RPTOR: variants seen among roughly 807,000 people sequenced by gnomAD.
RPTOR encodes regulatory associated protein of MTOR complex 1, also known as regulatory-associated protein of mTOR.
A neutral mutation model predicts 169.9 loss-of-function variants in RPTOR; 21 were observed. That is an observed-to-expected ratio of 0.12 (90% CI 0.09 to 0.18). RPTOR has a LOEUF of 0.18. Ranked by LOEUF, RPTOR falls within the 10% of genes least tolerant of loss-of-function variation. RPTOR has a pLI of 1.00. For missense variants in RPTOR, 1,133 were observed against 1,855.9 expected, an observed-to-expected ratio of 0.61 and a Z score of 7.16; for synonymous variants, 732 against 753.2, an observed-to-expected ratio of 0.97 and a Z score of 0.46.
intron 2 of RPTOR, among the ~76,000 whole-genome samples, chr17:80,641,740 G>C (rs1398573533): frequency 6.6e-6 from 1 of 152,198 alleles, no homozygotes; most frequent in African/African-American, 2.4e-5. Context: ...GCCTTAGCGA[G>C]TTGTAATCTT....
chr17:80,610,154 G>C (rs12945061), intron 1 of RPTOR, among the ~76,000 whole-genome samples: 31,207 of 151,742 alleles, frequency 0.21, 3,312 homozygotes, highest in East Asian at 0.27. Context: ...TTTATCTCCA[G>C]CTCTTCTCCT....
intron 28 of RPTOR, 87 bp downstream of exon 28, chr17:80,949,634 C>T: frequency 1.8e-6 from 2 of 1,085,170 alleles, no homozygotes; most frequent in Non-Finnish European, 2.8e-6. Context: ...CTGGGGCTGT[C>T]TCTAAACAGG....
chr17:80,915,500 C>T (rs2068662846), intron 21 of RPTOR, among the ~76,000 whole-genome samples: 1 of 133,084 alleles, frequency 7.5e-6, no homozygotes, highest in Non-Finnish European at 1.6e-5. Context: ...TCCAGGGTCT[C>T]CTCTCTGCTG....
Position 80,730,754 on chromosome 17 carries a change from T to TTTTTTTTTTG in RPTOR, c.654+48_654+49insTTTTTTTTTG. ...AGCGGTGCTGGGTTTGGTTTTGTTT[T>TTTTTTTTTTG]CCCTGGGGGTGGGGTTTGGGTGGGG... is the stretch of plus-strand genomic sequence containing the variant. On this transcript the variant is annotated intron_variant, in intron 5 of 33. Transcript: ENST00000306801. This position sits in a 1 kb window ranked among gnomAD's most constrained non-coding sequence, Gnocchi z 4.2. 5.5e-6 allele frequency: 4 copies of TTTTTTTTTTG among 721,618 alleles called. No homozygotes were observed. Among genetic ancestry groups the TTTTTTTTTTG allele is most frequent in the Non-Finnish European group, 8.7e-6 (4 of 457,676 alleles). The allele number at this position is 721,618 out of a possible 1,614,324, so 44.7% of individuals were successfully genotyped here. A position where few individuals can be genotyped will look rare whatever the true frequency, so the allele number is the denominator to read the frequency against.
intron 13 of RPTOR, among the ~76,000 whole-genome samples, chr17:80,864,015 G>A (rs767157064): frequency 2.0e-5 from 3 of 152,182 alleles, no homozygotes; most frequent in Non-Finnish European, 4.4e-5. Flanking sequence ...TTCCATTGCG[G>A]GACAACGGCA....
At chr17:80,615,357 A>G (rs2065301644) in intron 1 of RPTOR, among the ~76,000 whole-genome samples, 2 of 152,218 alleles carry the variant, frequency 1.3e-5, no homozygotes, top group Non-Finnish European at 1.5e-5. Context: ...TTGTAGGTGC[A>G]TCTGATCATA....
intron 20 of RPTOR, among the ~76,000 whole-genome samples, chr17:80,899,197 A>G (rs2068444932): frequency 6.6e-6 from 1 of 152,228 alleles, no homozygotes; most frequent in Non-Finnish European, 1.5e-5. Context: ...TTGACTCCGT[A>G]TATTCGAGTA....
intron 33 of RPTOR, among the ~76,000 whole-genome samples, chr17:80,963,800 C>CCCTCACCCCGTCCGCTGTGCGGCCGAGT (rs1598429680): frequency 5.0e-5 from 6 of 120,778 alleles, no homozygotes; most frequent in Admixed American, 7.5e-5. Flanking sequence ...CCCTCTGCGG[C>CCCTCACCCCGTCCGCTGTGCGGCCGAGT]CCTCACCCCG....
rs201551267 is a variant in RPTOR, at chr17:80,925,418, G to A, written c.2857G>A (p.Ala953Thr). The change falls in exon 24 of 34, where the codon GCC (alanine) becomes ACC (threonine). Residue 953 changes from alanine to threonine, a missense_variant. Around this residue, in one of 9 missense-constraint regions of RPTOR, gnomAD observed 410 missense variants for 623.7 expected, o/e 0.66. Coordinates refer to ENST00000306801, the MANE Select transcript of RPTOR (RefSeq NM_020761.3). The part of the protein sequence containing the change: ...DAAGHKSFIS[A>T]TVQTGFCDWS... ...TGCTGGACACAAAAGTTTCATCTCC[G>A]CCACGGTGCAGACGGGGTTCTGCGA... 173 of 1,613,542 alleles carry A rather than the reference G, an allele frequency of 1.1e-4. No homozygotes were observed. The highest frequency in any genetic ancestry group is 1.6e-4 in the Middle Eastern group (1 of 6,084).
chr17:80,771,911 C>T (rs923344677), intron 6 of RPTOR, among the ~76,000 whole-genome samples: 9 of 152,294 alleles, frequency 5.9e-5, no homozygotes, highest in Non-Finnish European at 1.0e-4. Flanking sequence ...CCTCGACCTC[C>T]TAGGCTCAAG....
chr17:80,740,961 G>A (rs1354259929), intron 5 of RPTOR, among the ~76,000 whole-genome samples: 2 of 152,328 alleles, frequency 1.3e-5, no homozygotes, highest in East Asian at 3.9e-4. Context: ...TCAGGGAAAC[G>A]CAAATCAAAA....
chr17:80,626,722 T>G (rs1449784935), intron 2 of RPTOR, among the ~76,000 whole-genome samples: 4 of 150,886 alleles, frequency 2.7e-5, no homozygotes, highest in African/African-American at 9.7e-5. Flanking sequence ...GAGACTGTTT[T>G]TTTTTTTTTT....
At chr17:80,679,013 G>T (rs1390882176) in intron 3 of RPTOR, among the ~76,000 whole-genome samples, 3 of 152,204 alleles carry the variant, frequency 2.0e-5, no homozygotes, top group Admixed American at 2.0e-4. Flanking sequence ...CACAAGAAGT[G>T]GCCTCTGCTT....
intron 5 of RPTOR, among the ~76,000 whole-genome samples, chr17:80,747,162 G>C (rs890787134): frequency 2.6e-4 from 40 of 152,238 alleles, no homozygotes; most frequent in African/African-American, 9.4e-4. Flanking sequence ...GTTGCAGTGA[G>C]CCAAGATTGC....
chr17:80,652,002 C>T (rs1364926587), intron 3 of RPTOR, among the ~76,000 whole-genome samples: 1 of 126,724 alleles, frequency 7.9e-6, no homozygotes, highest in Admixed American at 7.3e-5. Context: ...GCGTGAGACT[C>T]CGTCTCAAAA....
Position 80,708,120 on chromosome 17 carries a change from C to A in RPTOR, c.507+121C>A. On this transcript the variant is annotated intron_variant, in intron 4 of 33. Coordinates refer to ENST00000306801, the MANE Select transcript of RPTOR (RefSeq NM_020761.3). This position sits in a 1 kb window ranked among gnomAD's most constrained non-coding sequence, Gnocchi z 4.2. ...GCCATTGATGTTTACTGTGTTTCAA[C>A]AAACCCAAATGCCATAACTGAACGG... is the stretch of plus-strand genomic sequence containing the variant. 9.9e-7 allele frequency: 1 copy of A among 1,008,542 alleles called. No homozygotes were observed. Among genetic ancestry groups the A allele is most frequent in the Non-Finnish European group, 1.4e-6 (1 of 700,696 alleles). 62.5% of individuals were successfully genotyped at this position (1,008,542 alleles called of 1,614,324 possible).
At chr17:80,862,987 G>T (rs1005696030) in intron 13 of RPTOR, among the ~76,000 whole-genome samples, 3 of 152,238 alleles carry the variant, frequency 2.0e-5, no homozygotes, top group African/African-American at 7.2e-5. Context: ...CCCAGCGGAA[G>T]GGCGAGCCTG....
chr17:80,624,888 G>A (rs892302810), intron 1 of RPTOR, among the ~76,000 whole-genome samples: 3 of 152,314 alleles, frequency 2.0e-5, no homozygotes, highest in East Asian at 1.9e-4. Context: ...TCCATGGGCC[G>A]GAGCTCTGCC....
At chr17:80,940,772 G>C (rs911566516) in intron 25 of RPTOR, among the ~76,000 whole-genome samples, 171 bp downstream of exon 25, 3 of 152,240 alleles carry the variant, frequency 2.0e-5, no homozygotes, top group Admixed American at 6.5e-5. Context: ...GCACATCAAG[G>C]CTGGTGGAGA....
Sources: gnomAD v4.1 joint callset for allele counts (sites outside exome capture counted in the v4.1 genomes callset) on GRCh38, gnomAD v4.1.1 for gene constraint, gnomAD v4.1.1 regional missense constraint, Gnocchi (gnomAD v3.1) non-coding constraint, MANE v1.5 for transcripts, NCBI Gene and HGNC (gene_info 2026-07-23, HGNC 2026-07-21) for gene names.